MGST1: variants seen among roughly 807,000 people sequenced by gnomAD.
MGST1 encodes the protein microsomal glutathione S-transferase 1.
Under a neutral mutation model 8.9 loss-of-function variants are expected in MGST1, and 5 were observed. The observed-to-expected ratio is 0.56, with a 90% confidence interval of 0.29 to 1.19. The LOEUF (loss-of-function observed/expected upper bound fraction) is 1.19. MGST1 is among the 50% of genes most tolerant of loss of function. The probability of loss-of-function intolerance (pLI) is 0.08; values close to 1 mark genes in which losing one functional copy is unlikely to be tolerated. For synonymous variants in MGST1, 54 were observed against 67.8 expected (o/e 0.80, Z 1.00); for missense variants, 182 against 187.4 (o/e 0.97, Z 0.17).
chr12:16,515,474 T>TA (rs1487145474), intron 4 of MGST1, among the ~76,000 whole-genome samples: 1 of 151,660 alleles, frequency 6.6e-6, no homozygotes, highest in Non-Finnish European at 1.5e-5. Context: ...CCGTCTCTAC[T>TA]AAAAAATCAG....
At position 16,517,749 on chromosome 12, in the gene MGST1, A is replaced by G. The variant is rs1353631558; in HGVS notation, n.483-71779A>G. Among the ~76,000 whole-genome samples the G allele has an allele frequency of 6.6e-6, 1 of 152,146 alleles. No homozygotes were observed. Among genetic ancestry groups the G allele is most frequent in the Non-Finnish European group, 1.5e-5 (1 of 68,026 alleles). ...TTAGCCAATGGTCTTCTGCTATTCC[A>G]GATTCATTAACAAAGTAGCAATAAA... On this transcript the variant is annotated intron_variant and non_coding_transcript_variant, in intron 4 of 4. Transcript: ENST00000538857. This position sits in a 1 kb window ranked among gnomAD's most constrained non-coding sequence, Gnocchi z 4.2.
chr12:16,390,963 A>G (rs1940547175), intron 1 of MGST1, among the ~76,000 whole-genome samples: 1 of 151,560 alleles, frequency 6.6e-6, no homozygotes, highest in African/African-American at 2.4e-5. Context: ...CAACCTCTCT[A>G]GCATCTTTTA....
At chr12:16,590,810 C>T (rs755436731), downstream of MGST1, among the ~76,000 whole-genome samples, 1 of 151,930 alleles carries the variant, frequency 6.6e-6, no homozygotes, top group Non-Finnish European at 1.5e-5. Context: ...ATCAAACATG[C>T]GACTATATCA....
At chr12:16,381,965 C>A (rs894457623), downstream of MGST1, among the ~76,000 whole-genome samples, 1 of 152,188 alleles carries the variant, frequency 6.6e-6, no homozygotes, top group Admixed American at 6.5e-5. Flanking sequence ...ACATAGCTCT[C>A]GTGCCTTGGT....
chr12:16,591,082 T>C (rs1313051145), downstream of MGST1, among the ~76,000 whole-genome samples: 1 of 152,090 alleles, frequency 6.6e-6, no homozygotes, highest in Non-Finnish European at 1.5e-5. The surrounding 1 kb of genome is among the most constrained non-coding windows in gnomAD (Gnocchi z 4.1). Flanking sequence ...GTATTATCAC[T>C]TTTCTAGGGG....
intron 3 of MGST1, among the ~76,000 whole-genome samples, chr12:16,373,534 C>A (rs986983508): frequency 6.6e-6 from 1 of 150,704 alleles, no homozygotes; most frequent in African/African-American, 2.4e-5. Flanking sequence ...GTTATGTATC[C>A]GTATCCATAA....
chr12:16,372,369 G>T (rs1472548008), intron 3 of MGST1, among the ~76,000 whole-genome samples: 1 of 152,034 alleles, frequency 6.6e-6, no homozygotes, highest in Admixed American at 6.6e-5. Flanking sequence ...ATGGGTAAAA[G>T]ATCTGAATAG....
At chr12:16,522,338 AT>A (rs1941653524) in intron 4 of MGST1, among the ~76,000 whole-genome samples, 1 of 151,980 alleles carries the variant, frequency 6.6e-6, no homozygotes, top group Non-Finnish European at 1.5e-5. Flanking sequence ...CAGCTGTTTA[AT>A]TTCATATGTG....
intron 1 of MGST1, among the ~76,000 whole-genome samples, chr12:16,422,363 C>T (rs1940846076): frequency 2.6e-5 from 4 of 152,130 alleles, no homozygotes; most frequent in Admixed American, 2.6e-4. Context: ...GTTCCCCTTA[C>T]TACTTTCAGG....
At chr12:16,365,513 G>T (rs535482826), downstream of MGST1, among the ~76,000 whole-genome samples, 1 of 152,292 alleles carries the variant, frequency 6.6e-6, no homozygotes, top group Non-Finnish European at 1.5e-5. Flanking sequence ...CATAGTTTGA[G>T]CAACTCTGAA....
rs557160476 is a variant in MGST1, at chr12:16,347,791, C to T, written c.-23+81C>T. On this transcript the variant is annotated intron_variant, in intron 1 of 3. Coordinates refer to ENST00000396210, the MANE Select transcript of MGST1 (RefSeq NM_020300.5). This position sits in a 1 kb window ranked among gnomAD's most constrained non-coding sequence, Gnocchi z 4.0. Reference sequence around the variant, plus strand: ...GCCAGGGTGGGTGGCAGATGGAAGACTTGGGGGGGTCTCTGCCAGCTGGAA... The same window carrying T: ...GCCAGGGTGGGTGGCAGATGGAAGATTTGGGGGGGTCTCTGCCAGCTGGAA... The T allele has an allele frequency of 2.6e-5, 4 of 152,364 alleles. No homozygotes were observed. The highest frequency in any genetic ancestry group is 5.9e-5 in the Non-Finnish European group (4 of 68,130). 9.4% of individuals were successfully genotyped at this position (152,364 alleles called of 1,614,324 possible). A position where few individuals can be genotyped will look rare whatever the true frequency, so the allele number is the denominator to read the frequency against.
intron 4 of MGST1, among the ~76,000 whole-genome samples, chr12:16,465,932 C>T (rs970357907): frequency 2.0e-5 from 3 of 152,144 alleles, no homozygotes; most frequent in African/African-American, 7.2e-5. Context: ...CCCCTTCGAC[C>T]ATTGTCCCTT....
intron 4 of MGST1, among the ~76,000 whole-genome samples, chr12:16,529,424 C>G (rs986622194): frequency 6.6e-6 from 1 of 152,098 alleles, no homozygotes; most frequent in Non-Finnish European, 1.5e-5. Flanking sequence ...TTCAACAAGG[C>G]TGTCCATGAT....
chr12:16,447,610 G>A (rs1427613093), intron 4 of MGST1, among the ~76,000 whole-genome samples: 2 of 152,050 alleles, frequency 1.3e-5, no homozygotes, highest in East Asian at 1.9e-4. Context: ...GGGATTCCTA[G>A]CAAGGGCCCC....
chr12:16,421,321 G>A (rs540337405), intron 1 of MGST1, among the ~76,000 whole-genome samples: 1 of 152,220 alleles, frequency 6.6e-6, no homozygotes, highest in East Asian at 1.9e-4. Flanking sequence ...TTGGCATGAG[G>A]AGCCTGATGT....
At chr12:16,399,690 T>A (rs1940636252) in intron 1 of MGST1, 1 of 1,359,698 alleles carries the variant, frequency 7.4e-7, no homozygotes, top group South Asian at 1.2e-5. Flanking sequence ...GAAAAAGCCC[T>A]CAGGGTCATC....
At chr12:16,591,969 T>C (rs140328033), downstream of MGST1, among the ~76,000 whole-genome samples, 1,110 of 152,188 alleles carry the variant, frequency 7.3e-3, 9 homozygotes, top group African/African-American at 0.025. The surrounding 1 kb of genome is among the most constrained non-coding windows in gnomAD (Gnocchi z 4.1). Flanking sequence ...TTATATATTC[T>C]ACTTAGTTAT....
intron 4 of MGST1, among the ~76,000 whole-genome samples, chr12:16,461,876 C>A (rs1941224146): frequency 6.6e-6 from 1 of 152,090 alleles, no homozygotes; most frequent in Admixed American, 6.6e-5. Flanking sequence ...CCCCAACCAC[C>A]TTTTAATCTT....
intron 4 of MGST1, among the ~76,000 whole-genome samples, chr12:16,456,762 T>C (rs531130722): frequency 5.9e-5 from 9 of 152,072 alleles, no homozygotes; most frequent in Non-Finnish European, 1.0e-4. Context: ...CCTTTGGGCT[T>C]TTTTTAAATG....
Sources: gnomAD v4.1 joint callset for allele counts (sites outside exome capture counted in the v4.1 genomes callset) on GRCh38, gnomAD v4.1.1 for gene constraint, Gnocchi (gnomAD v3.1) non-coding constraint, MANE v1.5 for transcripts, NCBI Gene and HGNC (gene_info 2026-07-23, HGNC 2026-07-21) for gene names.